The following GPATCH8 variants were observed in gnomAD, a reference collection of about 807,000 sequenced individuals.
GPATCH8 encodes G-patch domain containing 8, also known as G patch domain-containing protein 8.
Under a neutral mutation model 118.3 loss-of-function variants are expected in GPATCH8, and 18 were observed. The observed-to-expected ratio is 0.15, with a 90% confidence interval of 0.11 to 0.23. The LOEUF (loss-of-function observed/expected upper bound fraction) is 0.23, where lower values mean the gene tolerates loss of function less well. GPATCH8 is among the 10% of genes least tolerant of loss of function. GPATCH8 has a pLI of 1.00. For missense variants in GPATCH8, 1,631 were observed against 1,873.8 expected (o/e 0.87, Z 2.39); for synonymous variants, 659 against 684.7 (o/e 0.96, Z 0.59).
At position 44,405,057 on chromosome 17, in the gene GPATCH8, T is replaced by C. The variant is rs111666264; in HGVS notation, c.623+864A>G. On this transcript the variant is annotated intron_variant, in intron 7 of 7. Coordinates refer to ENST00000591680, the MANE Select transcript of GPATCH8 (RefSeq NM_001002909.4). ...TTAGAAAGAGGATACCGAATGTTCC[T>C]GCACAAAGAAATAATAAATGTTTGA... 9.2e-3 allele frequency among the ~76,000 whole-genome samples: 1,395 copies of C among 152,304 alleles called. 28 individuals carry two copies. The highest frequency in any genetic ancestry group is 0.032 in the African/African-American group (1,320 of 41,564).
At chr17:44,489,893 A>G (rs991438795) in intron 1 of GPATCH8, among the ~76,000 whole-genome samples, 1 of 152,140 alleles carries the variant, frequency 6.6e-6, no homozygotes, top group Non-Finnish European at 1.5e-5. Flanking sequence ...GAAGGCCTCA[A>G]CAGGATCTGA....
At chr17:44,471,837 T>C (rs911105909) in intron 2 of GPATCH8, among the ~76,000 whole-genome samples, 11 of 149,448 alleles carry the variant, frequency 7.4e-5, no homozygotes, top group Admixed American at 6.0e-4. Context: ...TAGGAGTTTC[T>C]CTTAAAACTT....
Position 44,398,288 on chromosome 17 carries a change from G to A in GPATCH8, c.3789C>T (p.Gly1263=). Residue 1263 remains glycine (G), a synonymous_variant, in exon 8 of 8, where the codon GGC becomes GGT. Coordinates refer to ENST00000591680, the MANE Select transcript of GPATCH8 (RefSeq NM_001002909.4). ...TAGGCAGCAAGCTGGACTCCACAGG[G>A]CCTGGCTGACTGCTGCTATCCAGGG... The part of the protein sequence containing the change: ...LESLDSSSQP[G]PVESSLLPIA... 6.2e-7 allele frequency: 1 copy of A among 1,613,724 alleles called. No individual in the cohort carries two copies. The highest frequency in any genetic ancestry group is 8.5e-7 in the Non-Finnish European group (1 of 1,179,790).
Position 44,398,604 on chromosome 17 carries a change from T to G in GPATCH8, c.3473A>C (p.Asn1158Thr), listed in dbSNP as rs140497485. 128 of 1,550,076 alleles carry G rather than the reference T, an allele frequency of 8.3e-5. 1 individual carries two copies. In the Middle Eastern group the frequency reaches 1.0e-3, roughly 13 times the overall value. The change falls in exon 8 of 8, where the codon AAT becomes ACT. Residue 1158 changes from asparagine to threonine, a missense_variant. By Grantham distance (65) the Asn-to-Thr change is moderately conservative. This residue lies in a region of GPATCH8 where 922 missense variants were observed against 879.7 expected (regional missense o/e 1.05). Coordinates refer to ENST00000591680, the MANE Select transcript of GPATCH8 (RefSeq NM_001002909.4). ...CAAGCCAGACTCTTCACACTTCTTA[T>G]TGGGCTTTCGGGTAGCTGGGAGCTT... ...IGKLPATRKP[N>T]KKCEESGLER... is the part of the protein sequence containing the mutation.
chr17:44,442,590 G>A (rs2050740201), intron 3 of GPATCH8, among the ~76,000 whole-genome samples: 1 of 152,116 alleles, frequency 6.6e-6, no homozygotes, highest in Non-Finnish European at 1.5e-5. Context: ...TAGGCCTCCT[G>A]AGTAGCTGAC....
At position 44,399,358 on chromosome 17, in the gene GPATCH8, G is replaced by A. The variant is rs139161658; in HGVS notation, c.2719C>T (p.Arg907Cys). ...TCTGAGTCATCTGAGTCATGGGAGC[G>A]CTTGGAGTGCCTTCGTGATCTGTCA... ...YSDRSRRHSK[R>C]SHDSDDSDYA... Residue 907 changes from arginine (R) to cysteine (C), a missense_variant, in exon 8 of 8, where the codon CGC becomes TGC. Arg to Cys is a radical substitution (Grantham distance 180). Coordinates refer to ENST00000591680, the MANE Select transcript of GPATCH8 (RefSeq NM_001002909.4). The A allele has an allele frequency of 8.6e-5, 139 of 1,613,922 alleles. No homozygotes were observed. Among genetic ancestry groups the A allele is most frequent in the Middle Eastern group, 1.6e-4 (1 of 6,084 alleles).
In GPATCH8 at chr17:44,503,359, G is replaced by A. The variant is rs746454519; in HGVS notation, c.12C>T (p.Arg4=). The change falls in exon 1 of 8, where the codon CGC becomes CGT. Residue 4 remains arginine, a synonymous_variant. Coordinates refer to ENST00000591680, the MANE Select transcript of GPATCH8 (RefSeq NM_001002909.4). Reference sequence around the variant, plus strand: ...CTCGGTCTTCGTTGAAGCGGGAGAAGCGGTCCGCCATTTTGCCGCCTTCAC... The same window carrying A: ...CTCGGTCTTCGTTGAAGCGGGAGAAACGGTCCGCCATTTTGCCGCCTTCAC... MAD[R]FSRFNEDRDF... The A allele has an allele frequency of 1.9e-5, 31 of 1,609,974 alleles. No individual in the cohort carries two copies. The highest frequency in any genetic ancestry group is 2.6e-5 in the Non-Finnish European group (31 of 1,178,484).
intron 1 of GPATCH8, among the ~76,000 whole-genome samples, chr17:44,499,992 A>G (rs1969942053): frequency 2.0e-5 from 3 of 152,172 alleles, no homozygotes. Context: ...GTAATTTATC[A>G]TTGTTGAAAG....
At chr17:44,476,609 C>G (rs1967805416) in intron 1 of GPATCH8, among the ~76,000 whole-genome samples, 1 of 152,198 alleles carries the variant, frequency 6.6e-6, no homozygotes, top group Non-Finnish European at 1.5e-5. Context: ...ACTGCTCAAT[C>G]TGGTAACATT....
chr17:44,411,475 A>G (rs2049429974), intron 6 of GPATCH8, among the ~76,000 whole-genome samples: 1 of 152,194 alleles, frequency 6.6e-6, no homozygotes, highest in Non-Finnish European at 1.5e-5. Flanking sequence ...AATAATTCTG[A>G]TTACTTTCTC....
chr17:44,443,330 TA>T (rs1271281040), intron 3 of GPATCH8, among the ~76,000 whole-genome samples: 1 of 152,188 alleles, frequency 6.6e-6, no homozygotes, highest in Non-Finnish European at 1.5e-5. Context: ...AAACACTGAA[TA>T]AAAAATGGTA....
chr17:44,488,689 G>C (rs2144456642), intron 1 of GPATCH8, among the ~76,000 whole-genome samples: 1 of 151,950 alleles, frequency 6.6e-6, no homozygotes, highest in South Asian at 2.1e-4. Flanking sequence ...TTGTATTATA[G>C]TTAGTGTATG....
Position 44,400,045 on chromosome 17 carries a change from T to C in GPATCH8, c.2032A>G (p.Lys678Glu). 5 of 1,614,124 alleles carry C rather than the reference T, an allele frequency of 3.1e-6. No homozygotes were observed. The highest frequency in any genetic ancestry group is 1.1e-5 in the South Asian group (1 of 91,082). ...RSGKSHRHKKKKKHKKSSKHK... is the reference protein window; with the variant it reads ...RSGKSHRHKKEKKHKKSSKHK... The stretch of plus-strand genomic sequence containing the variant: ...TTGCTGGATTTTTTGTGCTTCTTTT[T>C]CTTTTTGTGCCGGTGGGACTTCCCA... Residue 678 changes from lysine to glutamate, a missense_variant, in exon 8 of 8, where the codon AAA becomes GAA. Physicochemically the swap from Lys to Glu is moderately conservative, Grantham distance 56. Around this residue, in one of 8 missense-constraint regions of GPATCH8, gnomAD observed 922 missense variants for 879.7 expected, o/e 1.05. Transcript: ENST00000591680.
chr17:44,452,290 GAAA>G (rs781273009), intron 3 of GPATCH8, among the ~76,000 whole-genome samples: 1 of 107,240 alleles, frequency 9.3e-6, no homozygotes, highest in Non-Finnish European at 2.0e-5. Context: ...AAAAAAAAAA[GAAA>G]AAAAAAAAAA....
Position 44,400,986 on chromosome 17 carries a change from G to C in GPATCH8, c.1091C>G (p.Pro364Arg), listed in dbSNP as rs746119449. The C allele has an allele frequency of 2.5e-6, 4 of 1,613,682 alleles. No homozygotes were observed. The highest frequency in any genetic ancestry group is 3.3e-5 in the Admixed American group (2 of 59,986). The change falls in exon 8 of 8, where the codon CCT becomes CGT. Residue 364 changes from proline to arginine, a missense_variant. By Grantham distance (103) the Pro-to-Arg change is moderately radical. Around this residue, in one of 8 missense-constraint regions of GPATCH8, gnomAD observed 405 missense variants for 462.7 expected, o/e 0.88. Coordinates refer to ENST00000591680, the MANE Select transcript of GPATCH8 (RefSeq NM_001002909.4). ...NLDGKKEDED[P>R]QDGGSLASTL... Reference sequence around the variant, plus strand: ...TGAGGCAAGGGACCCTCCATCCTGAGGGTCTTCATCCTCTTTTTTACCATC... The same window carrying C: ...TGAGGCAAGGGACCCTCCATCCTGACGGTCTTCATCCTCTTTTTTACCATC...
rs1292599553 is a variant in GPATCH8, at chr17:44,397,028, T to C, written c.*540A>G. ...TATATCAGGTTCCAGGTGAGACGCT[T>C]TCCACCTCACCTGGGATAACGTAAC... On this transcript the variant is annotated 3_prime_UTR_variant, in exon 8 of 8. Transcript: ENST00000591680. 1 of 454,004 alleles carries C rather than the reference T, an allele frequency of 2.2e-6. No homozygotes were observed. Among genetic ancestry groups the C allele is most frequent in the South Asian group, 1.6e-5 (1 of 64,462 alleles). 28.1% of individuals were successfully genotyped at this position (454,004 alleles called of 1,614,324 possible). A position where few individuals can be genotyped will look rare whatever the true frequency, so the allele number is the denominator to read the frequency against.
At chr17:44,421,684 ACT>A (rs2049908283) in intron 6 of GPATCH8, among the ~76,000 whole-genome samples, 1 of 142,330 alleles carries the variant, frequency 7.0e-6, no homozygotes, top group South Asian at 2.3e-4. Context: ...TTAAAACTTG[ACT>A]CTGAAGTCAT....
At chr17:44,455,488 G>A (rs1045882792) in intron 3 of GPATCH8, among the ~76,000 whole-genome samples, 19 of 149,256 alleles carry the variant, frequency 1.3e-4, no homozygotes, top group African/African-American at 4.7e-4. Flanking sequence ...CAACAAGAGT[G>A]AAACTCTATC....
intron 3 of GPATCH8, chr17:44,445,875 C>G (rs561073803): frequency 6.6e-6 from 1 of 152,140 alleles, no homozygotes; most frequent in Admixed American, 6.5e-5. Flanking sequence ...CAACATGAAA[C>G]TCAGGGGATC....
Sources: allele counts gnomAD v4.1 joint callset (sites outside exome capture counted in the v4.1 genomes callset), GRCh38; gene constraint gnomAD v4.1.1; regional missense constraint gnomAD v4.1.1; transcripts MANE v1.5; gene names NCBI Gene and HGNC (gene_info 2026-07-23, HGNC 2026-07-21).